The following DTWD2 variants were observed in gnomAD, a reference collection of about 807,000 sequenced individuals.
DTWD2 encodes the protein DTW motif tRNA-uridine aminocarboxypropyltransferase 2.
A neutral mutation model predicts 31.8 loss-of-function variants in DTWD2; 39 were observed. That is an observed-to-expected ratio of 1.22 (90% confidence interval 0.95 to 1.60). The LOEUF is 1.60. Ranked by LOEUF, DTWD2 falls within the 40% of genes most tolerant of loss-of-function variation. The pLI is 0.00. For synonymous variants in DTWD2, 180 were observed against 142.8 expected (o/e 1.26, Z -1.86); for missense variants, 515 against 381.5 (o/e 1.35, Z -2.92).
At chr5:118,845,746 T>C (rs1309303837) in intron 5 of DTWD2, among the ~76,000 whole-genome samples, 7 of 152,206 alleles carry the variant, frequency 4.6e-5, no homozygotes, top group Admixed American at 2.6e-4. Flanking sequence ...GAAGAGATAA[T>C]GGGTCCTGTC....
intron 4 of DTWD2, among the ~76,000 whole-genome samples, chr5:118,880,970 C>T (rs2149554327): frequency 6.6e-6 from 1 of 152,300 alleles, no homozygotes; most frequent in African/African-American, 2.4e-5. Flanking sequence ...AAACGTGTTG[C>T]ATGCAAATGA....
intron 1 of DTWD2, among the ~76,000 whole-genome samples, chr5:118,985,490 T>TTATATATATATATATATATATATA (rs56393420): frequency 8.9e-4 from 85 of 95,374 alleles, no homozygotes; most frequent in East Asian, 1.8e-3. Context: ...ATGTGCATTT[T>TTATATATATATATATATATATATA]TATATATATA....
intron 1 of DTWD2, among the ~76,000 whole-genome samples, chr5:118,973,079 C>CCTTTTTTTTTTTTTTT (rs1221777850): frequency 7.1e-6 from 1 of 140,000 alleles, no homozygotes; most frequent in Non-Finnish European, 1.5e-5. Flanking sequence ...TTGCAACCCC[C>CCTTTTTTTTTTTTTTT]TTTTTTTTTT....
At chr5:118,866,316 G>T (rs950148879) in intron 4 of DTWD2, among the ~76,000 whole-genome samples, 4 of 151,906 alleles carry the variant, frequency 2.6e-5, no homozygotes, top group African/African-American at 9.7e-5. Flanking sequence ...ATCATCAAAA[G>T]CATCCAAACT....
At chr5:118,869,118 ATGGTGGTGGTGGTGG>A (rs371732780) in intron 4 of DTWD2, among the ~76,000 whole-genome samples, 105 of 151,716 alleles carry the variant, frequency 6.9e-4, no homozygotes, top group African/African-American at 2.4e-3. Flanking sequence ...GCGAAAATGG[ATGGTGGTGGTGGTGG>A]TGGTGGTGGT....
At chr5:118,922,106 T>A (rs1213578657) in intron 4 of DTWD2, among the ~76,000 whole-genome samples, 1 of 152,212 alleles carries the variant, frequency 6.6e-6, no homozygotes, top group Admixed American at 6.5e-5. Flanking sequence ...CACCTTGGAT[T>A]TATTCCTAGC....
intron 2 of DTWD2, among the ~76,000 whole-genome samples, chr5:118,939,734 T>C (rs1206930678): frequency 1.3e-5 from 2 of 152,156 alleles, no homozygotes; most frequent in Non-Finnish European, 2.9e-5. Flanking sequence ...CAGCATAGCC[T>C]CTTTACTTAA....
chr5:118,875,130 A>G (rs1752592556), intron 4 of DTWD2, among the ~76,000 whole-genome samples: 1 of 152,176 alleles, frequency 6.6e-6, no homozygotes, highest in Non-Finnish European at 1.5e-5. Context: ...CGGAGAAAAA[A>G]GTAAGATCAT....
intron 5 of DTWD2, among the ~76,000 whole-genome samples, chr5:118,847,613 T>G (rs541088131): frequency 3.9e-5 from 6 of 151,970 alleles, no homozygotes; most frequent in Admixed American, 3.3e-4. Flanking sequence ...CTAGGCATTT[T>G]TTTTTTCAAG....
chr5:118,914,076 T>C (rs1426180363), intron 4 of DTWD2, among the ~76,000 whole-genome samples: 2 of 152,182 alleles, frequency 1.3e-5, no homozygotes, highest in African/African-American at 4.8e-5. Flanking sequence ...TCTTATCAGA[T>C]ATATAAAAGC....
intron 1 of DTWD2, among the ~76,000 whole-genome samples, chr5:118,985,517 T>TATATATATATATATATATATATACAC (rs1554072595): frequency 2.8e-5 from 3 of 107,728 alleles, no homozygotes; most frequent in Admixed American, 1.9e-4. Context: ...TATATATATA[T>TATATATATATATATATATATATACAC]ACACACACAT....
chr5:118,948,841 G>A (rs1414405223), intron 1 of DTWD2, among the ~76,000 whole-genome samples: 2 of 152,082 alleles, frequency 1.3e-5, no homozygotes, highest in South Asian at 2.1e-4. Context: ...TATGAGGTCA[G>A]CTAAGTTTCT....
intron 1 of DTWD2, among the ~76,000 whole-genome samples, chr5:118,965,353 C>A (rs537211336): frequency 6.6e-6 from 1 of 151,430 alleles, no homozygotes; most frequent in Non-Finnish European, 1.5e-5. Flanking sequence ...AGGTGAGGGG[C>A]GCCTCTGCCC....
intron 1 of DTWD2, among the ~76,000 whole-genome samples, chr5:118,968,354 T>G (rs1260192833): frequency 1.3e-5 from 2 of 152,200 alleles, no homozygotes; most frequent in South Asian, 2.1e-4. Flanking sequence ...TAGTTAACAG[T>G]ACTGTACCAG....
At chr5:118,919,570 G>A (rs1753656012) in intron 4 of DTWD2, among the ~76,000 whole-genome samples, 1 of 152,188 alleles carries the variant, frequency 6.6e-6, no homozygotes, top group Admixed American at 6.5e-5. Flanking sequence ...TGAGTGTGCA[G>A]AAACATGAAA....
At chr5:118,953,730 A>G (rs1157549523) in intron 1 of DTWD2, among the ~76,000 whole-genome samples, 3 of 152,196 alleles carry the variant, frequency 2.0e-5, no homozygotes, top group Admixed American at 1.3e-4. Flanking sequence ...CTTCCACCTG[A>G]GCTGGACTGC....
In DTWD2 at chr5:118,881,012, A is replaced by G. The variant is rs1752727923; in HGVS notation, c.598-32794T>C. On this transcript the variant is annotated intron_variant, in intron 4 of 5. Coordinates refer to ENST00000510708, the MANE Select transcript of DTWD2 (RefSeq NM_173666.4). ...CTTAACTGATTAGTAACTTCATCCA[A>G]CAGAATTAAACTCATAGTTTTAGTT... Among the ~76,000 whole-genome samples, 6 of 152,320 alleles carry G rather than the reference A, an allele frequency of 3.9e-5. No homozygotes were observed. In the South Asian group the frequency reaches 1.2e-3, roughly 32 times the overall value.
chr5:118,859,909 G>A (rs1296818602), intron 4 of DTWD2, among the ~76,000 whole-genome samples: 1 of 152,130 alleles, frequency 6.6e-6, no homozygotes, highest in South Asian at 2.1e-4. Flanking sequence ...CTTGAGCCCA[G>A]GAGTTCAAAA....
intron 4 of DTWD2, among the ~76,000 whole-genome samples, chr5:118,894,955 A>C (rs1753050100): frequency 6.6e-6 from 1 of 152,178 alleles, no homozygotes; most frequent in African/African-American, 2.4e-5. Flanking sequence ...GGAACAAGAC[A>C]AGAAAGCACA....
Sources: gnomAD v4.1 joint callset for allele counts (sites outside exome capture counted in the v4.1 genomes callset) on GRCh38, gnomAD v4.1.1 for gene constraint, MANE v1.5 for transcripts, NCBI Gene and HGNC (gene_info 2026-07-23, HGNC 2026-07-21) for gene names.